Variants in ATP9A observed in about 807,000 individuals in gnomAD.
ATP9A encodes probable phospholipid-transporting ATPase IIA.
ATP9A carries 52 observed loss-of-function variants against 144.1 expected under a neutral mutation model. That is an observed-to-expected ratio of 0.36 (90% CI 0.29 to 0.45). The LOEUF (loss-of-function observed/expected upper bound fraction) is 0.45, where lower values mean the gene tolerates loss of function less well. Among genes scored for constraint, ATP9A ranks in the 20% least tolerant of loss-of-function variants. The pLI is 1.00. For missense variants in ATP9A, 947 were observed against 1,392.7 expected, an observed-to-expected ratio of 0.68 and a Z score of 5.09; for synonymous variants, 582 against 557.4, an observed-to-expected ratio of 1.04 and a Z score of -0.62.
At chr20:51,699,294 T>A (rs1253726825) in intron 4 of ATP9A, among the ~76,000 whole-genome samples, 1 of 142,730 alleles carries the variant, frequency 7.0e-6, no homozygotes, top group Non-Finnish European at 1.5e-5. Context: ...GATCTCACCC[T>A]TGCACTCCAG....
At chr20:51,730,108 G>A (rs2077734139) in intron 1 of ATP9A, 130 bp from the exon 2 acceptor site, 2 of 1,017,142 alleles carry the variant, frequency 2.0e-6, no homozygotes, top group Non-Finnish European at 2.6e-6. Context: ...CATATTTGAG[G>A]CTTCATCTTT....
At chr20:51,742,219 G>A (rs1421633182) in intron 1 of ATP9A, among the ~76,000 whole-genome samples, 1 of 151,844 alleles carries the variant, frequency 6.6e-6, no homozygotes, top group Non-Finnish European at 1.5e-5. Context: ...CAGCTACTTG[G>A]GGGGCTAAGG....
intron 3 of ATP9A, among the ~76,000 whole-genome samples, chr20:51,715,087 C>T (rs939418811): frequency 6.6e-6 from 1 of 152,156 alleles, no homozygotes; most frequent in South Asian, 2.1e-4. Context: ...TAAATACAGT[C>T]AGCATAACCA....
intron 15 of ATP9A, among the ~76,000 whole-genome samples, chr20:51,634,393 T>C (rs988802434): frequency 6.6e-6 from 1 of 152,144 alleles, no homozygotes; most frequent in African/African-American, 2.4e-5. Flanking sequence ...GTTCTTGACA[T>C]CAGATGCACA....
At chr20:51,699,108 G>A (rs570695160) in intron 4 of ATP9A, among the ~76,000 whole-genome samples, 57 of 152,192 alleles carry the variant, frequency 3.7e-4, no homozygotes, top group African/African-American at 1.3e-3. Flanking sequence ...TTGGGAGGCC[G>A]AGGCAGGTAG....
At chr20:51,658,516 CTT>C (rs35371153) in intron 13 of ATP9A, among the ~76,000 whole-genome samples, 1 of 106,886 alleles carries the variant, frequency 9.4e-6, no homozygotes, top group South Asian at 3.3e-4. Flanking sequence ...CCTATGCTTC[CTT>C]TTTTTTTTTT....
At chr20:51,657,330 G>A (rs2077391416) in intron 13 of ATP9A, among the ~76,000 whole-genome samples, 180 bp from the exon 14 acceptor site, 1 of 151,148 alleles carries the variant, frequency 6.6e-6, no homozygotes, top group Non-Finnish European at 1.5e-5. Flanking sequence ...TGTCATTTAT[G>A]CTCGGCAAAA....
At chr20:51,719,157 TGA>T (rs2077677156) in intron 3 of ATP9A, among the ~76,000 whole-genome samples, 1 of 148,970 alleles carries the variant, frequency 6.7e-6, no homozygotes, top group South Asian at 2.1e-4. Flanking sequence ...AGATGTGGCT[TGA>T]GAGATGGGGT....
intron 3 of ATP9A, among the ~76,000 whole-genome samples, chr20:51,715,462 G>A (rs1160357553): frequency 2.6e-5 from 4 of 152,112 alleles, no homozygotes; most frequent in African/African-American, 9.7e-5. Flanking sequence ...CCAAGTTTTC[G>A]TTGTTGTTTG....
chr20:51,748,944 T>C (rs1571958), intron 1 of ATP9A, among the ~76,000 whole-genome samples: 36,506 of 99,732 alleles, frequency 0.37, 4,763 homozygotes, highest in East Asian at 0.47. Context: ...GATAGATAGA[T>C]AGATAGACAG....
chr20:51,740,215 C>A (rs895304059), intron 1 of ATP9A, among the ~76,000 whole-genome samples: 4 of 151,816 alleles, frequency 2.6e-5, no homozygotes, highest in South Asian at 2.1e-4. Flanking sequence ...CACCACCACA[C>A]CTGGCATATT....
chr20:51,662,342 C>T (rs377468580), intron 13 of ATP9A, among the ~76,000 whole-genome samples: 1 of 152,098 alleles, frequency 6.6e-6, no homozygotes, highest in South Asian at 2.1e-4. Context: ...GTCGGGAGCT[C>T]GAGACCAGCC....
chr20:51,669,925 T>C, intron 13 of ATP9A, 72 bp downstream of exon 13: 1 of 1,024,910 alleles, frequency 9.8e-7, no homozygotes, highest in Non-Finnish European at 1.5e-6. Context: ...GTATTGTGAA[T>C]TACATCTCAA....
intron 4 of ATP9A, among the ~76,000 whole-genome samples, chr20:51,707,638 T>A (rs988831251): frequency 6.6e-6 from 1 of 152,172 alleles, no homozygotes; most frequent in Admixed American, 6.5e-5. Flanking sequence ...TACTTTCAAC[T>A]CCTGGGAACG....
chr20:51,723,532 C>CA (rs2077698513), intron 3 of ATP9A, among the ~76,000 whole-genome samples: 1 of 150,724 alleles, frequency 6.6e-6, no homozygotes, highest in Admixed American at 6.6e-5. Context: ...TATGATTGCA[C>CA]ACTGCACTAC....
intron 13 of ATP9A, among the ~76,000 whole-genome samples, chr20:51,666,652 C>T (rs976810546): frequency 6.7e-6 from 1 of 149,258 alleles, no homozygotes. Context: ...TGTACCTCAG[C>T]CTGGGCAACA....
intron 23 of ATP9A, 102 bp downstream of exon 23, chr20:51,613,575 T>C: frequency 8.0e-7 from 1 of 1,252,874 alleles, no homozygotes; most frequent in Non-Finnish European, 1.1e-6. Flanking sequence ...TTTTCCATGA[T>C]AATTACATAG....
chr20:51,688,301 G>A (rs6021381), intron 9 of ATP9A, among the ~76,000 whole-genome samples: 12,891 of 152,206 alleles, frequency 0.085, 994 homozygotes, highest in African/African-American at 0.2. Flanking sequence ...AGCACTGAAA[G>A]ACACCAATGG....
At chr20:51,703,540 T>C (rs2147338) in intron 4 of ATP9A, among the ~76,000 whole-genome samples, 66,240 of 151,970 alleles carry the variant, frequency 0.44, 14,767 homozygotes, top group African/African-American at 0.52. Context: ...GGGGAACAAA[T>C]TTCCAATTAT....
Sources: gnomAD v4.1 joint callset for allele counts (sites outside exome capture counted in the v4.1 genomes callset) on GRCh38, gnomAD v4.1.1 for gene constraint, MANE v1.5 for transcripts, NCBI Gene and HGNC (gene_info 2026-07-23, HGNC 2026-07-21) for gene names.